Variants in PLEKHM3 observed in about 807,000 individuals in gnomAD.
The protein encoded by PLEKHM3 is pleckstrin homology domain containing M3.
PLEKHM3 carries 45 observed loss-of-function variants against 81.8 expected under a neutral mutation model. That is an observed-to-expected ratio of 0.55 (90% CI 0.43 to 0.71). PLEKHM3 has a LOEUF of 0.71. Among genes scored for constraint, PLEKHM3 ranks in the 30% least tolerant of loss-of-function variants. PLEKHM3 has a pLI of 0.00. For synonymous variants in PLEKHM3, 352 were observed against 356.4 expected (o/e 0.99, Z 0.14); for missense variants, 788 against 924.3 (o/e 0.85, Z 1.91).
chr2:207,878,306 A>T lies in PLEKHM3; in HGVS notation c.1951-17044T>A, dbSNP rs201467799. Among the ~76,000 whole-genome samples the T allele has an allele frequency of 5.7e-3, 705 of 122,640 alleles. 5 individuals carry two copies. Among genetic ancestry groups the T allele is most frequent in the African/African-American group, 0.019 (681 of 35,298 alleles). The allele number at this position is 122,640 out of a possible 152,430, so 80.5% of individuals were successfully genotyped here. ...CACTGGAAGGCACACAGTGAGCATT[A>T]AAAAAAAAACTATTATTTCTGGCCA... On this transcript the variant is annotated intron_variant, in intron 6 of 7. Coordinates refer to ENST00000427836, the MANE Select transcript of PLEKHM3 (RefSeq NM_001080475.3).
At chr2:207,846,878 T>C (rs550801892) in intron 7 of PLEKHM3, among the ~76,000 whole-genome samples, 5 of 152,328 alleles carry the variant, frequency 3.3e-5, no homozygotes, top group African/African-American at 1.2e-4. Flanking sequence ...AAAATACATA[T>C]GTGTAGAAAA....
intron 6 of PLEKHM3, among the ~76,000 whole-genome samples, chr2:207,884,047 G>GC (rs1687801437): frequency 6.6e-6 from 1 of 151,908 alleles, no homozygotes. Flanking sequence ...GCCTGTAATC[G>GC]CAGCACTTTG....
chr2:207,855,365 G>A (rs12472333), intron 7 of PLEKHM3, among the ~76,000 whole-genome samples: 40,601 of 151,978 alleles, frequency 0.27, 5,577 homozygotes, highest in Middle Eastern at 0.35. Flanking sequence ...GTAACCCAAA[G>A]TACAAATGAA....
At chr2:207,863,580 CG>C (rs1409990951) in intron 6 of PLEKHM3, among the ~76,000 whole-genome samples, 3 of 152,222 alleles carry the variant, frequency 2.0e-5, no homozygotes, top group African/African-American at 7.2e-5. Flanking sequence ...GTGGTGGCAG[CG>C]GGGGTTGCCA....
At chr2:207,997,179 C>T (rs1692149013) in intron 2 of PLEKHM3, among the ~76,000 whole-genome samples, 2 of 152,166 alleles carry the variant, frequency 1.3e-5, no homozygotes, top group Admixed American at 6.6e-5. Context: ...TCAGACCAGG[C>T]TTCCCTATTA....
chr2:207,908,757 C>T (rs573155165), intron 5 of PLEKHM3, among the ~76,000 whole-genome samples, 180 bp from the exon 6 acceptor site: 1 of 152,324 alleles, frequency 6.6e-6, no homozygotes, highest in African/African-American at 2.4e-5. Flanking sequence ...TTCTTCCCAA[C>T]ACAGACACCA....
At position 207,925,045 on chromosome 2, in the gene PLEKHM3, C is replaced by T. The variant is rs1198077110; in HGVS notation, c.1886+5881G>A. Among the ~76,000 whole-genome samples, 4 of 151,922 alleles carry T rather than the reference C, an allele frequency of 2.6e-5. No individual in the cohort carries two copies. In the East Asian group the frequency reaches 7.7e-4, roughly 29 times the overall value. On this transcript the variant is annotated intron_variant, in intron 5 of 7. Transcript: ENST00000427836. ...CAATCCACAGCCAGCCTGCAAGGGG[C>T]CACGTCAGAAGTGAGTGGGCAAAAG...
chr2:207,868,275 T>TC (rs1553546537), intron 6 of PLEKHM3, among the ~76,000 whole-genome samples: 1 of 39,234 alleles, frequency 2.5e-5, no homozygotes, highest in Non-Finnish European at 5.8e-5. Context: ...CTTATTATTA[T>TC]TTTTTTTTTT....
intron 6 of PLEKHM3, among the ~76,000 whole-genome samples, chr2:207,865,832 A>G (rs1340203459): frequency 4.3e-5 from 5 of 116,390 alleles, no homozygotes; most frequent in Admixed American, 9.3e-5. Context: ...ATATATATAT[A>G]TATATACTTT....
At chr2:207,903,626 C>A (rs1197763562) in intron 6 of PLEKHM3, among the ~76,000 whole-genome samples, 1 of 152,228 alleles carries the variant, frequency 6.6e-6, no homozygotes, top group Non-Finnish European at 1.5e-5. Context: ...ATTCTCCTAT[C>A]ATTTACACAG....
intron 3 of PLEKHM3, among the ~76,000 whole-genome samples, chr2:207,967,526 T>G (rs1416095537): frequency 6.6e-6 from 1 of 152,240 alleles, no homozygotes; most frequent in Admixed American, 6.5e-5. Context: ...TTCCGCATAT[T>G]AGCTCTCCAA....
intron 6 of PLEKHM3, among the ~76,000 whole-genome samples, chr2:207,874,117 C>T (rs2092548734): frequency 1.3e-5 from 2 of 152,134 alleles, no homozygotes; most frequent in Admixed American, 6.5e-5. Context: ...TCTGCAGTGT[C>T]TGTATGCCTG....
At chr2:207,926,408 G>C (rs928074955) in intron 5 of PLEKHM3, among the ~76,000 whole-genome samples, 1 of 152,194 alleles carries the variant, frequency 6.6e-6, no homozygotes, top group African/African-American at 2.4e-5. Flanking sequence ...TACCGTGCCT[G>C]TGTGTGACAC....
intron 3 of PLEKHM3, among the ~76,000 whole-genome samples, chr2:207,974,710 T>C (rs1034248320): frequency 1.3e-5 from 2 of 152,222 alleles, no homozygotes; most frequent in Non-Finnish European, 2.9e-5. Flanking sequence ...CAGTAATTTC[T>C]ATTTTTTTAA....
At chr2:207,857,220 T>C (rs1156460026) in intron 7 of PLEKHM3, among the ~76,000 whole-genome samples, 1 of 152,252 alleles carries the variant, frequency 6.6e-6, no homozygotes, top group African/African-American at 2.4e-5. Flanking sequence ...TTACATATTT[T>C]GACTCTATTC....
intron 6 of PLEKHM3, among the ~76,000 whole-genome samples, chr2:207,885,450 G>A (rs1447004226): frequency 2.0e-5 from 3 of 152,172 alleles, no homozygotes; most frequent in Non-Finnish European, 4.4e-5. Flanking sequence ...TGTCTTTCTA[G>A]ACCAATTCTG....
chr2:207,942,628 C>T (rs992607012), intron 4 of PLEKHM3, among the ~76,000 whole-genome samples: 14 of 152,068 alleles, frequency 9.2e-5, no homozygotes, highest in African/African-American at 2.2e-4. Context: ...CAGCTCGGCC[C>T]GGTGGCTCAC....
chr2:207,876,511 C>T (rs2092560809), intron 6 of PLEKHM3, among the ~76,000 whole-genome samples: 1 of 152,178 alleles, frequency 6.6e-6, no homozygotes, highest in Non-Finnish European at 1.5e-5. Context: ...TTGTTTGCTT[C>T]CCATGAGACT....
At chr2:207,955,693 G>C (rs1690481066) in intron 3 of PLEKHM3, among the ~76,000 whole-genome samples, 1 of 152,228 alleles carries the variant, frequency 6.6e-6, no homozygotes, top group Non-Finnish European at 1.5e-5. Context: ...CCTAATAAAA[G>C]TGGCAATGTG....
Sources: gnomAD v4.1 joint callset for allele counts (sites outside exome capture counted in the v4.1 genomes callset) on GRCh38, gnomAD v4.1.1 for gene constraint, MANE v1.5 for transcripts, NCBI Gene and HGNC (gene_info 2026-07-23, HGNC 2026-07-21) for gene names.